LRP1B: variants seen among roughly 807,000 people sequenced by gnomAD.
LRP1B encodes the protein LDL receptor related protein 1B, also known as low-density lipoprotein receptor-related protein 1B.
In LRP1B, 217 loss-of-function variants were observed where a neutral mutation model predicts 556.6. That is an observed-to-expected ratio of 0.39 (90% confidence interval 0.35 to 0.44). LRP1B has a LOEUF of 0.44. LRP1B is among the 20% of genes least tolerant of loss of function. The pLI, the probability that LRP1B is intolerant of heterozygous loss-of-function variation, is 1.00. For synonymous variants in LRP1B, 2,047 were observed against 1,865.8 expected (o/e 1.10, Z -2.50); for missense variants, 5,053 against 5,620.8 (o/e 0.90, Z 3.23).
At chr2:141,414,967 T>C (rs1691031150) in intron 3 of LRP1B, among the ~76,000 whole-genome samples, 1 of 152,226 alleles carries the variant, frequency 6.6e-6, no homozygotes, top group Non-Finnish European at 1.5e-5. Context: ...AATTCCTCCT[T>C]AGCTGAACAG....
intron 3 of LRP1B, among the ~76,000 whole-genome samples, chr2:141,447,689 G>A (rs1207650034): frequency 6.6e-6 from 1 of 152,144 alleles, no homozygotes; most frequent in Admixed American, 6.5e-5. Flanking sequence ...AGGTCTGCTG[G>A]AGTTTGCTGG....
At chr2:141,206,863 C>T (rs1682306969) in intron 6 of LRP1B, among the ~76,000 whole-genome samples, 1 of 152,164 alleles carries the variant, frequency 6.6e-6, no homozygotes, top group African/African-American at 2.4e-5. Flanking sequence ...GGTAGTAAGA[C>T]ATTTACTTGG....
At chr2:140,994,225 T>G in intron 15 of LRP1B, 90 bp from the exon 16 acceptor site, 10 of 1,133,626 alleles carry the variant, frequency 8.8e-6, no homozygotes, top group Non-Finnish European at 1.3e-5. Context: ...TTGTTTGTTT[T>G]AGATTCTACA....
chr2:140,931,456 T>C (rs1179479024), intron 20 of LRP1B, among the ~76,000 whole-genome samples: 2 of 151,892 alleles, frequency 1.3e-5, no homozygotes, highest in Non-Finnish European at 2.9e-5. Context: ...CATGAGTACA[T>C]AGACTTTAGG....
chr2:140,421,123 G>T (rs1685422662), intron 66 of LRP1B, among the ~76,000 whole-genome samples: 1 of 151,996 alleles, frequency 6.6e-6, no homozygotes, highest in Non-Finnish European at 1.5e-5. Flanking sequence ...AGGGATGGTG[G>T]TGCGTGTCTG....
chr2:140,928,506 G>C (rs1037937350), intron 20 of LRP1B, among the ~76,000 whole-genome samples: 1 of 152,028 alleles, frequency 6.6e-6, no homozygotes, highest in South Asian at 2.1e-4. Context: ...GGGAAATGAG[G>C]GTTCTGGATG....
At chr2:140,805,474 T>G (rs1249134820) in intron 32 of LRP1B, among the ~76,000 whole-genome samples, 4 of 152,206 alleles carry the variant, frequency 2.6e-5, no homozygotes, top group African/African-American at 9.6e-5. Flanking sequence ...AAACCTATTC[T>G]AAGACAAATT....
At position 140,993,979 on chromosome 2, in the gene LRP1B, T is replaced by C. The variant is rs1355621755; in HGVS notation, c.2644+16A>G. 2.5e-6 allele frequency: 4 copies of C among 1,610,302 alleles called. No individual in the cohort carries two copies. The highest frequency in any genetic ancestry group is 2.2e-5 in the South Asian group (2 of 90,676). On this transcript the variant is annotated intron_variant, in intron 16 of 90. Transcript: ENST00000389484. ...CAGGAAAATACAATTTTTAGGTGACTTGGAAGAGAACATACAGCAGTTTAC... is the reference window on the plus strand; with the variant it reads ...CAGGAAAATACAATTTTTAGGTGACCTGGAAGAGAACATACAGCAGTTTAC...
intron 3 of LRP1B, among the ~76,000 whole-genome samples, chr2:141,333,051 G>A (rs1042526765): frequency 6.6e-6 from 1 of 151,922 alleles, no homozygotes. Flanking sequence ...GTCAACAAAA[G>A]CCCACAAATA....
chr2:140,582,950 C>T (rs1174669384), intron 43 of LRP1B, among the ~76,000 whole-genome samples: 1 of 152,070 alleles, frequency 6.6e-6, no homozygotes, highest in Non-Finnish European at 1.5e-5. Context: ...CCTTCTTTCC[C>T]CATTTGTGCT....
rs1249934003 is a variant in LRP1B, at chr2:141,507,541, G to A, written c.206-27008C>T. Among the ~76,000 whole-genome samples, 6 of 152,088 alleles carry A rather than the reference G, an allele frequency of 3.9e-5. No individual in the cohort carries two copies. In the East Asian group the frequency reaches 7.7e-4, roughly 20 times the overall value. On this transcript the variant is annotated intron_variant, in intron 2 of 90. Transcript: ENST00000389484. The stretch of plus-strand genomic sequence containing the variant: ...GATTTTTGCTTTTCTATGCAGTCAC[G>A]CAGTAAAGCTTTCAGTGAATTCTCT...
intron 83 of LRP1B, among the ~76,000 whole-genome samples, chr2:140,305,971 G>A (rs533684270): frequency 0.014 from 2,027 of 149,510 alleles, 15 homozygotes; most frequent in African/African-American, 0.017. Flanking sequence ...ATTTGCGTAT[G>A]TTAAACCAGC....
At chr2:141,946,693 G>T (rs918929191) in intron 1 of LRP1B, among the ~76,000 whole-genome samples, 2 of 152,102 alleles carry the variant, frequency 1.3e-5, no homozygotes, top group African/African-American at 4.8e-5. Flanking sequence ...TGTGACTCTC[G>T]AAAGTAAAAA....
At chr2:141,270,311 G>T (rs1057458549) in intron 3 of LRP1B, among the ~76,000 whole-genome samples, 1 of 152,058 alleles carries the variant, frequency 6.6e-6, no homozygotes, top group Non-Finnish European at 1.5e-5. Flanking sequence ...ACCAGTTTTG[G>T]TGATGATGTG....
At chr2:140,279,923 A>T (rs1682846211) in intron 84 of LRP1B, among the ~76,000 whole-genome samples, 1 of 151,884 alleles carries the variant, frequency 6.6e-6, no homozygotes. Flanking sequence ...AAAGATAGAT[A>T]CATATTTTCT....
At chr2:140,411,890 G>A (rs1684982493) in intron 66 of LRP1B, among the ~76,000 whole-genome samples, 1 of 152,074 alleles carries the variant, frequency 6.6e-6, no homozygotes. Flanking sequence ...TAATAGCAAA[G>A]AAAGAATCCT....
intron 66 of LRP1B, among the ~76,000 whole-genome samples, chr2:140,396,019 T>C (rs1024280940): frequency 2.6e-5 from 4 of 152,208 alleles, no homozygotes; most frequent in Non-Finnish European, 5.9e-5. Flanking sequence ...ATTCCATTCA[T>C]CGTTCTCTTT....
intron 32 of LRP1B, among the ~76,000 whole-genome samples, chr2:140,800,666 C>T (rs1690477158): frequency 6.6e-6 from 1 of 152,120 alleles, no homozygotes; most frequent in African/African-American, 2.4e-5. Context: ...ATACTCTCTA[C>T]AAAGTTTTTG....
intron 77 of LRP1B, among the ~76,000 whole-genome samples, chr2:140,347,953 G>A (rs1681768257): frequency 6.6e-6 from 1 of 152,008 alleles, no homozygotes; most frequent in Non-Finnish European, 1.5e-5. Context: ...TGGCACAAGT[G>A]TTTACATGGC....
Sources: gnomAD v4.1 joint callset for allele counts (sites outside exome capture counted in the v4.1 genomes callset) on GRCh38, gnomAD v4.1.1 for gene constraint, MANE v1.5 for transcripts, NCBI Gene and HGNC (gene_info 2026-07-23, HGNC 2026-07-21) for gene names.